Variants in FGD6 observed in about 807,000 individuals in gnomAD.
The protein encoded by FGD6 is FYVE, RhoGEF and PH domain-containing protein 6.
Under a neutral mutation model 149.4 loss-of-function variants are expected in FGD6, and 90 were observed. The observed-to-expected ratio is 0.60, with a 90% confidence interval of 0.51 to 0.72. The LOEUF is 0.72. FGD6 is among the 30% of genes least tolerant of loss of function. FGD6 has a pLI of 0.00. For missense variants in FGD6, 1,437 were observed against 1,684.8 expected (o/e 0.85, Z 2.57); for synonymous variants, 527 against 584.0 (o/e 0.90, Z 1.41).
At chr12:95,125,821 C>A (rs2136251263) in intron 8 of FGD6, 1 of 951,456 alleles carries the variant, frequency 1.1e-6, no homozygotes, top group Non-Finnish European at 1.7e-6. Context: ...GGACCTCATG[C>A]TGGAAAATTC....
intron 15 of FGD6, among the ~76,000 whole-genome samples, chr12:95,093,841 C>A (rs1878149819): frequency 6.8e-6 from 1 of 146,160 alleles, no homozygotes; most frequent in Admixed American, 6.8e-5. Flanking sequence ...GAGCAATACT[C>A]CATCTCAACA....
In FGD6 at chr12:95,157,541, A is replaced by G. The variant is rs182714253; in HGVS notation, c.2587-4548T>C. Among the ~76,000 whole-genome samples the G allele has an allele frequency of 4.8e-3, 676 of 139,930 alleles. 2 individuals carry two copies. Among genetic ancestry groups the G allele is most frequent in the African/African-American group, 0.017 (648 of 37,190 alleles). The allele number at this position is 139,930 out of a possible 152,430, so 91.8% of individuals were successfully genotyped here. A position where few individuals can be genotyped will look rare whatever the true frequency, so the allele number is the denominator to read the frequency against. On this transcript the variant is annotated intron_variant, in intron 3 of 20. Transcript: ENST00000343958. Reference sequence around the variant, plus strand: ...TGATCGTGCCACTGCACTCCAGCCTAGGCGACAAGAGCAAAACTCTGTCTC... The same window carrying G: ...TGATCGTGCCACTGCACTCCAGCCTGGGCGACAAGAGCAAAACTCTGTCTC...
rs1345318508 is a variant in FGD6 at position 95,210,673 on chromosome 12, T to A, written c.611A>T (p.Asp204Val). Reference sequence around the variant, plus strand: ...ACAGCCACCATTCATTTCTGGGCTGTCTGTGGGCCTGTGCTTCTGTGCAGA... The same window carrying A: ...ACAGCCACCATTCATTTCTGGGCTGACTGTGGGCCTGTGCTTCTGTGCAGA... ...FISAQKHRPT[D>V]SPEMNGGCNS... is the part of the protein sequence containing the mutation. The change falls in exon 2 of 21, where the codon GAC becomes GTC. Residue 204 changes from aspartate to valine, a missense_variant. By Grantham distance (152) the Asp-to-Val change is radical (BLOSUM62 -3). Transcript: ENST00000343958. The A allele has an allele frequency of 1.2e-6, 2 of 1,614,034 alleles. No individual in the cohort carries two copies. The highest frequency in any genetic ancestry group is 1.1e-5 in the South Asian group (1 of 91,052).
intron 13 of FGD6, among the ~76,000 whole-genome samples, chr12:95,105,721 GAATA>G (rs1372161689): frequency 4.6e-5 from 7 of 152,280 alleles, no homozygotes; most frequent in South Asian, 2.1e-4. Flanking sequence ...CTACATGAAT[GAATA>G]ATCAAATGCA....
chr12:95,171,592 T>A (rs960735200), intron 3 of FGD6, among the ~76,000 whole-genome samples: 1 of 152,194 alleles, frequency 6.6e-6, no homozygotes, highest in Admixed American at 6.5e-5. Context: ...CTCGGCTCAC[T>A]GCAAGCTCCG....
In FGD6 at chr12:95,077,926, G is replaced by A. The variant is rs1253627919; in HGVS notation, c.*3594C>T. On this transcript the variant is annotated 3_prime_UTR_variant, in exon 21 of 21. Coordinates refer to ENST00000343958, the MANE Select transcript of FGD6 (RefSeq NM_018351.4). ...AGGTAGTTACAGATGTAGCTTTGCA[G>A]GATAGTGGAGAAAGTAGGTCTAAGG... The A allele has an allele frequency of 6.6e-6, 1 of 152,230 alleles. No individual in the cohort carries two copies. Among genetic ancestry groups the A allele is most frequent in the Non-Finnish European group, 1.5e-5 (1 of 68,044 alleles). 9.4% of individuals were successfully genotyped at this position (152,230 alleles called of 1,614,324 possible). A position where few individuals can be genotyped will look rare whatever the true frequency, so the allele number is the denominator to read the frequency against.
rs145896055 is a variant in FGD6 at position 95,091,164 on chromosome 12, A to G, written c.3850+543T>C. 3.3e-5 allele frequency among the ~76,000 whole-genome samples: 5 copies of G among 152,352 alleles called. No homozygotes were observed. In the East Asian group the frequency reaches 9.6e-4, roughly 29 times the overall value. ...TTAACTAAAAATCTCTTCCCAAAAC[A>G]TAGACCTGAGCAGTCCTGCTAAGCT... On this transcript the variant is annotated intron_variant, in intron 17 of 20. Transcript: ENST00000343958.
chr12:95,084,147 T>G (rs1382677075), intron 20 of FGD6, among the ~76,000 whole-genome samples: 1 of 152,214 alleles, frequency 6.6e-6, no homozygotes, highest in African/African-American at 2.4e-5. Context: ...TCCTGGAATG[T>G]TTCAAGGGAA....
chr12:95,147,663 G>C (rs139100067), intron 5 of FGD6, among the ~76,000 whole-genome samples: 23 of 152,242 alleles, frequency 1.5e-4, no homozygotes, highest in African/African-American at 5.5e-4. Flanking sequence ...GGCTCAGACA[G>C]ACCAGACTTG....
At chr12:95,113,319 G>A (rs1183409967) in intron 9 of FGD6, among the ~76,000 whole-genome samples, 4 of 143,034 alleles carry the variant, frequency 2.8e-5, no homozygotes, top group East Asian at 2.2e-4. Context: ...TGCAACCTCC[G>A]CCTTCCGGGT....
intron 5 of FGD6, among the ~76,000 whole-genome samples, chr12:95,151,464 A>C (rs7312034): frequency 1 from 152,077 of 152,190 alleles, 75,982 homozygotes; most frequent in Middle Eastern, 1. Context: ...GATGGGTTTT[A>C]GCCATGTTGG....
Position 95,080,567 on chromosome 12 carries a change from A to G in FGD6, c.*953T>C, listed in dbSNP as rs1043808189. 14 of 152,132 alleles carry G rather than the reference A, an allele frequency of 9.2e-5. No homozygotes were observed. Among genetic ancestry groups the G allele is most frequent in the African/African-American group, 3.4e-4 (14 of 41,434 alleles). 9.4% of individuals were successfully genotyped at this position (152,132 alleles called of 1,614,324 possible). A position where few individuals can be genotyped will look rare whatever the true frequency, so the allele number is the denominator to read the frequency against. ...TTTCAGTTATTACTGGCTTATAATT[A>G]TGCTTTTCTGATATAGTAATTCCAG... On this transcript the variant is annotated 3_prime_UTR_variant, in exon 21 of 21. Coordinates refer to ENST00000343958, the MANE Select transcript of FGD6 (RefSeq NM_018351.4).
intron 2 of FGD6, among the ~76,000 whole-genome samples, chr12:95,187,407 G>C (rs1881471089): frequency 6.9e-6 from 1 of 144,788 alleles, no homozygotes; most frequent in Admixed American, 6.9e-5. Context: ...GGGAGGCCGA[G>C]GCGGGCAGAT....
intron 6 of FGD6, among the ~76,000 whole-genome samples, chr12:95,139,686 C>T (rs1380631079): frequency 9.0e-6 from 1 of 110,674 alleles, no homozygotes; most frequent in Non-Finnish European, 1.9e-5. Flanking sequence ...AAAGGAGTCT[C>T]GCTCTGTCAC....
At chr12:95,129,875 T>C (rs1362521616) in intron 8 of FGD6, among the ~76,000 whole-genome samples, 2 of 152,114 alleles carry the variant, frequency 1.3e-5, no homozygotes, top group African/African-American at 2.4e-5. Flanking sequence ...GGTTTCACCA[T>C]GTCGGCCAGG....
At chr12:95,094,448 G>A in intron 15 of FGD6, 144 bp downstream of exon 15, 1 of 577,230 alleles carries the variant, frequency 1.7e-6, no homozygotes. Context: ...GCGCTGAAAT[G>A]AGACATTAAT....
At chr12:95,142,708 T>C (rs1879888577) in intron 5 of FGD6, among the ~76,000 whole-genome samples, 1 of 152,254 alleles carries the variant, frequency 6.6e-6, no homozygotes, top group African/African-American at 2.4e-5. Context: ...TAATTAGATA[T>C]TGCACATAAA....
At chr12:95,187,817 T>C (rs906747542) in intron 2 of FGD6, among the ~76,000 whole-genome samples, 1 of 152,336 alleles carries the variant, frequency 6.6e-6, no homozygotes, top group Non-Finnish European at 1.5e-5. Context: ...TCATTTTCCA[T>C]GTTTAATTTC....
Position 95,208,923 on chromosome 12 carries a change from A to T in FGD6, c.2361T>A (p.Asp787Glu), listed in dbSNP as rs1168070578. 1.2e-6 allele frequency: 2 copies of T among 1,614,088 alleles called. No individual in the cohort carries two copies. Among genetic ancestry groups the T allele is most frequent in the Non-Finnish European group, 1.7e-6 (2 of 1,180,010 alleles). ...GCTCTTCTACCTCATACACATTTGC[A>T]TCAGCGTCCTCCATGCTGCTGGAAT... ...WQNSSSMEDA[D>E]ANVYEVEEPY... is the part of the protein sequence containing the mutation. Residue 787 changes from aspartate to glutamate, a missense_variant, in exon 2 of 21, where the codon GAT (aspartate) becomes GAA (glutamate). Transcript: ENST00000343958.
Sources: gnomAD v4.1 joint callset for allele counts (sites outside exome capture counted in the v4.1 genomes callset) on GRCh38, gnomAD v4.1.1 for gene constraint, MANE v1.5 for transcripts, NCBI Gene and HGNC (gene_info 2026-07-23, HGNC 2026-07-21) for gene names.